SAMSN1: variants seen among roughly 807,000 people sequenced by gnomAD.
SAMSN1 encodes the protein SAM domain, SH3 domain and nuclear localization signals 1, also known as SAM domain-containing protein SAMSN-1.
A neutral mutation model predicts 42.0 loss-of-function variants in SAMSN1; 31 were observed. That is an observed-to-expected ratio of 0.74 (90% CI 0.55 to 1.00). SAMSN1 has a LOEUF of 1.00. Ranked by LOEUF, SAMSN1 falls within the 50% of genes least tolerant of loss-of-function variation. SAMSN1 has a pLI of 0.00. For missense variants in SAMSN1, 464 were observed against 439.4 expected (o/e 1.06, Z -0.50); for synonymous variants, 178 against 151.9 (o/e 1.17, Z -1.26).
chr21:14,524,270 T>C (rs1052527175), intron 1 of SAMSN1, among the ~76,000 whole-genome samples: 4 of 152,186 alleles, frequency 2.6e-5, no homozygotes, highest in African/African-American at 9.6e-5. Flanking sequence ...AGAATGTGTT[T>C]GAATATTGAT....
At chr21:14,622,750 A>G (rs1279262816) in intron 2 of SAMSN1, among the ~76,000 whole-genome samples, 1 of 152,186 alleles carries the variant, frequency 6.6e-6, no homozygotes, top group African/African-American at 2.4e-5. Flanking sequence ...CCAACATTCA[A>G]ATTCAGGAAA....
rs1214964807 is a variant in SAMSN1, at chr21:14,606,328, C to A, written c.322+3154G>T. On this transcript the variant is annotated intron_variant, in intron 5 of 15. Coordinates refer to the SAMSN1 transcript ENST00000647101. ...CTGATTGATTGAAAAATTTCTGAAT[C>A]TCCAAATATGTTTTGTTTCCTTTTT... is the stretch of plus-strand genomic sequence containing the variant. 5.3e-5 allele frequency among the ~76,000 whole-genome samples: 8 copies of A among 152,238 alleles called. No homozygotes were observed. The East Asian group carries it at 1.5e-3, about 29-fold the overall frequency.
intron 5 of SAMSN1, among the ~76,000 whole-genome samples, chr21:14,501,627 A>G (rs957216468): frequency 1.3e-5 from 2 of 152,246 alleles, no homozygotes; most frequent in African/African-American, 4.8e-5. Context: ...TGAAAAATTT[A>G]TCTATGGTAT....
At chr21:14,657,365 T>C (rs1287577352) in intron 1 of SAMSN1, among the ~76,000 whole-genome samples, 1 of 151,820 alleles carries the variant, frequency 6.6e-6, no homozygotes, top group African/African-American at 2.4e-5. Context: ...TACAGTCATA[T>C]TGAGTCCATG....
At chr21:14,515,967 T>C (rs1007679231) in intron 3 of SAMSN1, among the ~76,000 whole-genome samples, 1 of 152,160 alleles carries the variant, frequency 6.6e-6, no homozygotes, top group Non-Finnish European at 1.5e-5. Context: ...AGATTCCACC[T>C]CACATCCACT....
intron 7 of SAMSN1, among the ~76,000 whole-genome samples, chr21:14,491,653 A>G (rs10854315): frequency 0.2 from 30,364 of 152,178 alleles, 3,910 homozygotes; most frequent in Admixed American, 0.34. Context: ...CTAATTCAGT[A>G]TACAAGTGTT....
intron 1 of SAMSN1, among the ~76,000 whole-genome samples, chr21:14,530,756 A>G (rs1979215207): frequency 1.3e-5 from 2 of 152,300 alleles, no homozygotes; most frequent in African/African-American, 4.8e-5. Flanking sequence ...TACAGAAGAT[A>G]GTGGGTGTTT....
intron 2 of SAMSN1, among the ~76,000 whole-genome samples, chr21:14,620,022 G>T (rs749627384): frequency 6.6e-6 from 1 of 152,096 alleles, no homozygotes; most frequent in Non-Finnish European, 1.5e-5. Flanking sequence ...CTGCTTCAGG[G>T]TAGAAGGAGA....
At chr21:14,572,382 G>T (rs1039768410) in intron 2 of SAMSN1, among the ~76,000 whole-genome samples, 7 of 152,288 alleles carry the variant, frequency 4.6e-5, no homozygotes, top group Admixed American at 2.0e-4. Flanking sequence ...TGAGGCCACA[G>T]TTGAAGTCCA....
rs1277335047 is a variant in SAMSN1, at chr21:14,486,001, C to T, written c.1033G>A (p.Gly345Arg). Residue 345 changes from glycine to arginine, a missense_variant, in exon 8 of 8, where the codon GGA (glycine) becomes AGA (arginine). Gly to Arg is a moderately radical substitution (Grantham distance 125, BLOSUM62 -2). Coordinates refer to ENST00000400566, the MANE Select transcript of SAMSN1 (RefSeq NM_022136.5). ...TCCTCTTTGCCATTATCTGAATTTC[C>T]TGATGAGATATAGCAACCAGAGTCC... ...PRDSGCYISSGNSDNGKEDLE... is the reference protein window; with the variant it reads ...PRDSGCYISSRNSDNGKEDLE... The T allele has an allele frequency of 2.5e-6, 4 of 1,613,498 alleles. No individual in the cohort carries two copies. In the Admixed American group the frequency reaches 6.7e-5, roughly 27 times the overall value.
upstream of SAMSN1, among the ~76,000 whole-genome samples, chr21:14,548,593 G>C (rs933009071): frequency 6.6e-6 from 1 of 151,914 alleles, no homozygotes; most frequent in African/African-American, 2.4e-5. Context: ...TTTCCTTCAA[G>C]TACGGGTGGA....
intron 5 of SAMSN1, among the ~76,000 whole-genome samples, chr21:14,501,757 T>C (rs1987165259): frequency 6.6e-6 from 1 of 152,256 alleles, no homozygotes. Flanking sequence ...AAGGTATTCA[T>C]GCTCTCCTCT....
chr21:14,569,164 G>T (rs1351021402), intron 2 of SAMSN1, among the ~76,000 whole-genome samples: 6 of 152,076 alleles, frequency 3.9e-5, no homozygotes, highest in African/African-American at 1.4e-4. Context: ...GCGTGTTGTT[G>T]CATGCCTATA....
intron 2 of SAMSN1, among the ~76,000 whole-genome samples, chr21:14,578,875 A>G (rs1286376123): frequency 6.6e-6 from 1 of 152,066 alleles, no homozygotes; most frequent in African/African-American, 2.4e-5. Context: ...ACCCTTTTAA[A>G]TTGCAAAAAT....
chr21:14,553,531 A>G (rs1487009851), intron 2 of SAMSN1, among the ~76,000 whole-genome samples: 1 of 152,152 alleles, frequency 6.6e-6, no homozygotes, highest in African/African-American at 2.4e-5. Flanking sequence ...CTCCTTAATC[A>G]CTTCCAATTA....
At chr21:14,552,353 A>C (rs1156682383) in intron 2 of SAMSN1, among the ~76,000 whole-genome samples, 1 of 152,146 alleles carries the variant, frequency 6.6e-6, no homozygotes, top group African/African-American at 2.4e-5. Flanking sequence ...GTGTGGTCCC[A>C]AAATTCATAT....
At chr21:14,624,965 G>A (rs1165896081) in intron 2 of SAMSN1, among the ~76,000 whole-genome samples, 1 of 152,114 alleles carries the variant, frequency 6.6e-6, no homozygotes, top group Non-Finnish European at 1.5e-5. Context: ...ATGCAAGGCT[G>A]GTTCAACATA....
At chr21:14,573,582 T>TA (rs1268067495) in intron 2 of SAMSN1, among the ~76,000 whole-genome samples, 4 of 151,934 alleles carry the variant, frequency 2.6e-5, no homozygotes, top group Admixed American at 6.6e-5. Context: ...GAGGTAAAGG[T>TA]AAAAAATGTA....
At chr21:14,501,661 T>C (rs1987158070) in intron 5 of SAMSN1, among the ~76,000 whole-genome samples, 2 of 152,016 alleles carry the variant, frequency 1.3e-5, no homozygotes, top group Admixed American at 6.5e-5. Context: ...TTCAAGTATT[T>C]CATTCATCTA....
Sources: gnomAD v4.1 joint callset for allele counts (sites outside exome capture counted in the v4.1 genomes callset) on GRCh38, gnomAD v4.1.1 for gene constraint, MANE v1.5 for transcripts, NCBI Gene and HGNC (gene_info 2026-07-23, HGNC 2026-07-21) for gene names.